The following TENM2 variants were observed in gnomAD, a reference collection of about 807,000 sequenced individuals.
TENM2 encodes teneurin-2.
TENM2 carries 52 observed loss-of-function variants against 245.2 expected under a neutral mutation model. That is an observed-to-expected ratio of 0.21 (90% CI 0.17 to 0.27). TENM2 has a LOEUF of 0.27. Ranked by LOEUF, TENM2 falls within the 10% of genes least tolerant of loss-of-function variation. The pLI is 1.00. For synonymous variants in TENM2, 1,363 were observed against 1,438.9 expected (o/e 0.95, Z 1.19); for missense variants, 3,046 against 3,666.8 (o/e 0.83, Z 4.37).
At chr5:167,353,342 A>G (rs1759057486) in intron 1 of TENM2, among the ~76,000 whole-genome samples, 1 of 146,656 alleles carries the variant, frequency 6.8e-6, no homozygotes, top group Non-Finnish European at 1.5e-5. Flanking sequence ...GTGGGGGTGC[A>G]GAAAGTTTAT....
chr5:167,985,999 C>A (rs1783219587), intron 4 of TENM2, among the ~76,000 whole-genome samples: 1 of 152,186 alleles, frequency 6.6e-6, no homozygotes, highest in Non-Finnish European at 1.5e-5. Flanking sequence ...AATTCACAGC[C>A]TTTTGAATTG....
At chr5:168,006,232 T>C (rs1217664557) in intron 5 of TENM2, among the ~76,000 whole-genome samples, 2 of 152,120 alleles carry the variant, frequency 1.3e-5, no homozygotes, top group Non-Finnish European at 2.9e-5. Context: ...AAGAGCATGT[T>C]GTGAGAGGGA....
At chr5:167,627,857 C>T (rs1296043204) in intron 2 of TENM2, among the ~76,000 whole-genome samples, 2 of 152,028 alleles carry the variant, frequency 1.3e-5, no homozygotes, top group East Asian at 1.9e-4. Flanking sequence ...ACGCCTGGTC[C>T]GACTCTACTT....
chr5:167,161,269 G>A, the TENM2 span, among the ~76,000 whole-genome samples: 1 of 152,208 alleles, frequency 6.6e-6, no homozygotes, highest in African/African-American at 2.4e-5. Flanking sequence ...TGGGACCACA[G>A]TATTCAGCAG....
chr5:168,132,725 T>C (rs983171453), intron 12 of TENM2, among the ~76,000 whole-genome samples: 1 of 152,324 alleles, frequency 6.6e-6, no homozygotes, highest in African/African-American at 2.4e-5. Context: ...AAGGGGACCA[T>C]GTAATAAGAG....
chr5:167,393,109 A>C (rs771894045), intron 2 of TENM2, among the ~76,000 whole-genome samples: 1 of 151,368 alleles, frequency 6.6e-6, no homozygotes. Flanking sequence ...GCGACAGAGC[A>C]AGACTCCATC....
chr5:167,716,904 TTATTTTATTTTATTTTATTTTATTTTA>T (rs1461658498), intron 2 of TENM2, among the ~76,000 whole-genome samples: 1 of 98,632 alleles, frequency 1.0e-5, no homozygotes, highest in Non-Finnish European at 2.1e-5. Flanking sequence ...TTATTTTATT[TTATTTTATTTTATTTTATTTTATTTTA>T]TTTTATTTTA....
At chr5:167,497,084 A>AT (rs1288553813) in intron 2 of TENM2, among the ~76,000 whole-genome samples, 1 of 152,084 alleles carries the variant, frequency 6.6e-6, no homozygotes, top group Non-Finnish European at 1.5e-5. Context: ...CTCTGGCTAA[A>AT]TGGAGGACCA....
At chr5:167,094,685 G>A in the TENM2 span, among the ~76,000 whole-genome samples, 8 of 152,082 alleles carry the variant, frequency 5.3e-5, no homozygotes, top group African/African-American at 1.4e-4. Flanking sequence ...GAGAAGACCC[G>A]GGTGAGTTCA....
the TENM2 span, among the ~76,000 whole-genome samples, chr5:167,275,839 A>G: frequency 1.3e-5 from 2 of 152,130 alleles, no homozygotes; most frequent in East Asian, 3.9e-4. Context: ...TCTGATCTAT[A>G]TGCTTCTTAC....
At chr5:167,692,103 T>C (rs2150408128) in intron 2 of TENM2, among the ~76,000 whole-genome samples, 1 of 152,214 alleles carries the variant, frequency 6.6e-6, no homozygotes, top group South Asian at 2.1e-4. Context: ...TACCACTACC[T>C]GAAATGATCT....
the TENM2 span, among the ~76,000 whole-genome samples, chr5:167,081,891 C>T: frequency 1.3e-5 from 2 of 152,160 alleles, no homozygotes; most frequent in African/African-American, 4.8e-5. Flanking sequence ...TTATTTCTTG[C>T]CTCTTGTCGT....
At chr5:168,135,460 C>T (rs1045313421) in intron 12 of TENM2, among the ~76,000 whole-genome samples, 1 of 152,114 alleles carries the variant, frequency 6.6e-6, no homozygotes, top group Non-Finnish European at 1.5e-5. Flanking sequence ...TCTTGAAAAC[C>T]TGCCAGTCAA....
intron 4 of TENM2, among the ~76,000 whole-genome samples, chr5:167,967,889 G>A (rs1232564399): frequency 6.6e-6 from 1 of 152,108 alleles, no homozygotes; most frequent in African/African-American, 2.4e-5. Flanking sequence ...ATTTTATCTG[G>A]CTCAGACAGG....
intron 2 of TENM2, among the ~76,000 whole-genome samples, chr5:167,655,398 A>G (rs1433525243): frequency 2.0e-5 from 3 of 152,222 alleles, no homozygotes; most frequent in Admixed American, 6.5e-5. Flanking sequence ...GGTTATAATC[A>G]TATGGCCACC....
intron 2 of TENM2, among the ~76,000 whole-genome samples, chr5:167,841,875 C>T (rs1234397051): frequency 1.3e-5 from 2 of 151,918 alleles, no homozygotes; most frequent in Non-Finnish European, 2.9e-5. Flanking sequence ...TTGATTGTTA[C>T]ATTTTTAAAA....
At chr5:168,028,709 G>C (rs1255372244) in intron 5 of TENM2, among the ~76,000 whole-genome samples, 1 of 151,814 alleles carries the variant, frequency 6.6e-6, no homozygotes, top group African/African-American at 2.4e-5. Flanking sequence ...AGTTTACTTG[G>C]TGGCTGTGTC....
chr5:167,812,143 G>A (rs1766690384), intron 2 of TENM2, among the ~76,000 whole-genome samples: 1 of 152,128 alleles, frequency 6.6e-6, no homozygotes, highest in Non-Finnish European at 1.5e-5. Context: ...AAGACTTAAA[G>A]TGCTACATAA....
the TENM2 span, among the ~76,000 whole-genome samples, chr5:167,214,478 G>T: frequency 2.0e-5 from 3 of 152,058 alleles, no homozygotes; most frequent in Non-Finnish European, 4.4e-5. Flanking sequence ...TAATTCAGAG[G>T]CACAAAATAT....
Sources: gnomAD v4.1 joint callset for allele counts (sites outside exome capture counted in the v4.1 genomes callset) on GRCh38, gnomAD v4.1.1 for gene constraint, MANE v1.5 for transcripts, NCBI Gene and HGNC (gene_info 2026-07-23, HGNC 2026-07-21) for gene names.